The following LPL variants were observed in gnomAD, a reference collection of about 807,000 sequenced individuals.
LPL encodes lipoprotein lipase.
In LPL, 43 loss-of-function variants were observed where a neutral mutation model predicts 52.2. The observed-to-expected ratio is 0.82, with a 90% confidence interval of 0.64 to 1.06. LPL has a LOEUF of 1.06. LPL is among the 50% of genes least tolerant of loss of function. LPL has a pLI of 0.00. For missense variants in LPL, 639 were observed against 585.3 expected (o/e 1.09, Z -0.95); for synonymous variants, 244 against 215.6 (o/e 1.13, Z -1.15).
rs1409021693 is a variant in LPL at position 19,944,767 on chromosome 8, C to A, written c.89-3413C>A. On this transcript the variant is annotated intron_variant, in intron 1 of 9. Transcript: ENST00000650287. The surrounding 1 kb of genome is among the most constrained non-coding windows in gnomAD (Gnocchi z 4.2). ...TAAATTCTTTGTCTTTGTTTACACA[C>A]TCAGATTTGTAGTTATTTATTTAGG... Among the ~76,000 whole-genome samples the A allele has an allele frequency of 1.3e-5, 2 of 152,170 alleles. No homozygotes were observed. Among genetic ancestry groups the A allele is most frequent in the South Asian group, 4.1e-4 (2 of 4,828 alleles).
intron 1 of LPL, among the ~76,000 whole-genome samples, chr8:19,942,245 T>C (rs933936708): frequency 1.3e-5 from 2 of 152,202 alleles, no homozygotes; most frequent in Admixed American, 1.3e-4. Flanking sequence ...TGCCAGATTG[T>C]TCAAGAAAAT....
rs745407792 is a variant in LPL, at chr8:19,950,408, A to C, written c.250-1361A>C. 6.6e-6 allele frequency among the ~76,000 whole-genome samples: 1 copy of C among 152,236 alleles called. No individual in the cohort carries two copies. Among genetic ancestry groups the C allele is most frequent in the African/African-American group, 2.4e-5 (1 of 41,468 alleles). ...TTACTTACATCAGTATTTTATGTTG[A>C]TCAGAAAGAAAGGATTCAATTAGCT... is the stretch of plus-strand genomic sequence containing the variant. On this transcript the variant is annotated intron_variant, in intron 2 of 9. Transcript: ENST00000650287. This position sits in a 1 kb window ranked among gnomAD's most constrained non-coding sequence, Gnocchi z 4.2.
chr8:19,951,977 T>C (rs1011768791), intron 3 of LPL, 29 bp downstream of exon 3: 1 of 1,613,252 alleles, frequency 6.2e-7, no homozygotes, highest in African/African-American at 1.3e-5. Flanking sequence ...GACTTATGTG[T>C]CCAAAACAGT....
At position 19,953,358 on chromosome 8, in the gene LPL, C is replaced by T. The variant is rs886062789; in HGVS notation, c.478C>T (p.Leu160Phe). 6.2e-7 allele frequency: 1 copy of T among 1,614,038 alleles called. No individual in the cohort carries two copies. The highest frequency in any genetic ancestry group is 1.1e-5 in the South Asian group (1 of 91,086). The change falls in exon 4 of 10, where the codon CTT becomes TTT. Residue 160 changes from leucine (L) to phenylalanine (F), a missense_variant. Transcript: ENST00000650287. ...CAATGTCCATCTCTTGGGATACAGC[C>T]TTGGAGCCCATGCTGCTGGCATTGC... ...LDNVHLLGYS[L>F]GAHAAGIAGS...
chr8:19,956,247 T>C (rs529416991), intron 6 of LPL, among the ~76,000 whole-genome samples, 164 bp downstream of exon 6: 3 of 152,328 alleles, frequency 2.0e-5, no homozygotes, highest in Non-Finnish European at 4.4e-5. Context: ...TTGATCCATT[T>C]GTCTGAGGCT....
intron 7 of LPL, among the ~76,000 whole-genome samples, chr8:19,960,144 T>C (rs191786555): frequency 6.6e-6 from 1 of 152,258 alleles, no homozygotes; most frequent in Non-Finnish European, 1.5e-5. Flanking sequence ...ACTTTTACAA[T>C]TACTAGATGA....
At position 19,939,643 on chromosome 8, in the gene LPL, T is replaced by C. The variant is rs1001934036; in HGVS notation, c.88+115T>C. ...AGGGGCGGTGGATGCGCCCAGGGAC[T>C]CTCCCAGCCTGGGCTCTAGCCCCGA... On this transcript the variant is annotated intron_variant, in intron 1 of 9. Coordinates refer to ENST00000650287, the MANE Select transcript of LPL (RefSeq NM_000237.3). This position sits in a 1 kb window ranked among gnomAD's most constrained non-coding sequence, Gnocchi z 4.0. 49 of 1,076,394 alleles carry C rather than the reference T, an allele frequency of 4.6e-5. No homozygotes were observed. Among genetic ancestry groups the C allele is most frequent in the Admixed American group, 1.5e-4 (7 of 46,648 alleles). 66.7% of individuals were successfully genotyped at this position (1,076,394 alleles called of 1,614,324 possible).
rs1489997865 is a variant in LPL at position 19,965,351 on chromosome 8, C to T, written c.*41C>T. The T allele has an allele frequency of 1.3e-6, 1 of 780,254 alleles. No individual in the cohort carries two copies. Among genetic ancestry groups the T allele is most frequent in the African/African-American group, 1.7e-5 (1 of 59,110 alleles). 48.3% of individuals were successfully genotyped at this position (780,254 alleles called of 1,614,324 possible). ...CAGAACAAAGAACGGCATGTGAATTCTGTGAAGAATGAAGTGGAGGAAGTA... is the reference window on the plus strand; with the variant it reads ...CAGAACAAAGAACGGCATGTGAATTTTGTGAAGAATGAAGTGGAGGAAGTA... On this transcript the variant is annotated 3_prime_UTR_variant, in exon 10 of 10. Coordinates refer to ENST00000650287, the MANE Select transcript of LPL (RefSeq NM_000237.3).
rs574891862 is a variant in LPL at position 19,966,258 on chromosome 8, C to G, written c.*948C>G. On this transcript the variant is annotated 3_prime_UTR_variant, in exon 10 of 10. Coordinates refer to ENST00000650287, the MANE Select transcript of LPL (RefSeq NM_000237.3). The stretch of plus-strand genomic sequence containing the variant: ...TCATGCTTCAGTTGTACTTCCAGTG[C>G]GTCTCTTTTGTTCCTGGCTTTGACA... 1 of 152,168 alleles carries G rather than the reference C, an allele frequency of 6.6e-6. No individual in the cohort carries two copies. The highest frequency in any genetic ancestry group is 2.1e-4 in the South Asian group (1 of 4,832). The allele number at this position is 152,168 out of a possible 1,614,324, so 9.4% of individuals were successfully genotyped here. A position where few individuals can be genotyped will look rare whatever the true frequency, so the allele number is the denominator to read the frequency against.
chr8:19,940,737 G>A (rs112195634), intron 1 of LPL, among the ~76,000 whole-genome samples: 4 of 152,244 alleles, frequency 2.6e-5, no homozygotes, highest in African/African-American at 9.6e-5. Flanking sequence ...TAGCTTTGAT[G>A]GCCGCTAAAC....
Position 19,939,659 on chromosome 8 carries a change from C to T in LPL, c.88+131C>T, listed in dbSNP as rs2069813375. ...CCCAGGGACTCTCCCAGCCTGGGCT[C>T]TAGCCCCGAAACGGTCCCCGGAGTG... On this transcript the variant is annotated intron_variant, in intron 1 of 9. Coordinates refer to ENST00000650287, the MANE Select transcript of LPL (RefSeq NM_000237.3). This position sits in a 1 kb window ranked among gnomAD's most constrained non-coding sequence, Gnocchi z 4.0. 1 of 940,328 alleles carries T rather than the reference C, an allele frequency of 1.1e-6. No individual in the cohort carries two copies. Among genetic ancestry groups the T allele is most frequent in the Admixed American group, 2.4e-5 (1 of 42,170 alleles). The allele number at this position is 940,328 out of a possible 1,614,324, so 58.2% of individuals were successfully genotyped here.
chr8:19,939,979 C>G lies in LPL; in HGVS notation c.88+451C>G, dbSNP rs941270222. Among the ~76,000 whole-genome samples, 1 of 152,180 alleles carries G rather than the reference C, an allele frequency of 6.6e-6. No homozygotes were observed. Among genetic ancestry groups the G allele is most frequent in the African/African-American group, 2.4e-5 (1 of 41,460 alleles). The stretch of plus-strand genomic sequence containing the variant: ...CGCCTTGGTTGGCACTGCGGCTCAG[C>G]CCCCGCCCGGGGACTCGCGGGCCGA... On this transcript the variant is annotated intron_variant, in intron 1 of 9. Coordinates refer to ENST00000650287, the MANE Select transcript of LPL (RefSeq NM_000237.3). This position sits in a 1 kb window ranked among gnomAD's most constrained non-coding sequence, Gnocchi z 4.0.
intron 7 of LPL, among the ~76,000 whole-genome samples, chr8:19,959,927 T>C (rs1470907893): frequency 1.3e-5 from 2 of 151,842 alleles, no homozygotes; most frequent in African/African-American, 4.8e-5. Flanking sequence ...TAGCTGGGGC[T>C]GCAGGTGCCC....
chr8:19,955,024 C>A (rs572549783), intron 5 of LPL, among the ~76,000 whole-genome samples: 25 of 152,138 alleles, frequency 1.6e-4, no homozygotes, highest in African/African-American at 6.0e-4. Context: ...TTTTAAGAGC[C>A]CCTTGCATAC....
In LPL at chr8:19,951,791, G is replaced by A. The variant is rs118204070; in HGVS notation, c.272G>A (p.Trp91Ter). 7 of 1,614,052 alleles carry A rather than the reference G, an allele frequency of 4.3e-6. No homozygotes were observed. Among genetic ancestry groups the A allele is most frequent in the African/African-American group, 4.0e-5 (3 of 74,922 alleles). ...GWTVTGMYES[W>*]VPKLVAALYK... ...CAGGTAACAGGAATGTATGAGAGTT[G>A]GGTGCCAAAACTTGTGGCCGCCCTG... The change falls in exon 3 of 10, where the codon TGG becomes TAG. Residue 91 changes from tryptophan (W) to a stop codon, truncating the protein, a stop_gained. Transcript: ENST00000650287. LOFTEE classifies it high-confidence loss of function.
Position 19,962,229 on chromosome 8 carries a change from C to T in LPL, c.1427+10C>T, listed in dbSNP as rs1421490460. The T allele has an allele frequency of 1.3e-5, 21 of 1,609,598 alleles. No individual in the cohort carries two copies. The highest frequency in any genetic ancestry group is 1.6e-5 in the Non-Finnish European group (19 of 1,176,076). On this transcript the variant is annotated intron_variant, in intron 9 of 9. Transcript: ENST00000650287. ...ATAAGAAGTCAGGCTGGTGAGCATT[C>T]TGGGCTAAAGCTGACTGGGCATCCT...
At chr8:19,959,594 A>T (rs1203222996) in intron 7 of LPL, among the ~76,000 whole-genome samples, 1 of 152,060 alleles carries the variant, frequency 6.6e-6, no homozygotes. Context: ...ATATTTTTTT[A>T]TTTATCATCT....
chr8:19,954,535 T>C (rs542238264), intron 5 of LPL, among the ~76,000 whole-genome samples, 182 bp downstream of exon 5: 1 of 152,312 alleles, frequency 6.6e-6, no homozygotes, highest in East Asian at 1.9e-4. Flanking sequence ...AGCCATTTTA[T>C]CTTTTATTTA....
intron 3 of LPL, 70 bp downstream of exon 3, chr8:19,952,018 T>C: frequency 4.6e-6 from 7 of 1,529,198 alleles, no homozygotes; most frequent in Non-Finnish European, 5.4e-6. Context: ...AACCGGCTGT[T>C]CTTTCTTCCT....
Sources: gnomAD v4.1 joint callset for allele counts (sites outside exome capture counted in the v4.1 genomes callset) on GRCh38, gnomAD v4.1.1 for gene constraint, Gnocchi (gnomAD v3.1) non-coding constraint, MANE v1.5 for transcripts, NCBI Gene and HGNC (gene_info 2026-07-23, HGNC 2026-07-21) for gene names.